The following SLC30A10 variants were observed in gnomAD, a reference collection of about 807,000 sequenced individuals.
SLC30A10 encodes the protein solute carrier family 30 member 10.
In SLC30A10, 8 loss-of-function variants were observed where a neutral mutation model predicts 21.7. The observed-to-expected ratio is 0.37, with a 90% CI of 0.22 to 0.67. The LOEUF is 0.67. Among genes scored for constraint, SLC30A10 ranks in the 30% least tolerant of loss-of-function variants. SLC30A10 has a pLI of 0.58. For missense variants in SLC30A10, 521 were observed against 642.5 expected (o/e 0.81, Z 2.04); for synonymous variants, 272 against 279.4 (o/e 0.97, Z 0.26).
At chr1:219,941,336 G>A (rs942006715) in intron 1 of SLC30A10, among the ~76,000 whole-genome samples, 3 of 152,210 alleles carry the variant, frequency 2.0e-5, no homozygotes, top group Non-Finnish European at 2.9e-5. Flanking sequence ...GTGAGCATGA[G>A]GGAGCAGCAG....
At chr1:219,938,787 G>T (rs954689779) in intron 1 of SLC30A10, among the ~76,000 whole-genome samples, 3 of 152,060 alleles carry the variant, frequency 2.0e-5, no homozygotes, top group Non-Finnish European at 4.4e-5. Flanking sequence ...CCTTGAGAAA[G>T]ATAAAGATGA....
intron 2 of SLC30A10, among the ~76,000 whole-genome samples, chr1:219,925,816 T>C (rs969474000): frequency 9.3e-5 from 14 of 150,590 alleles, no homozygotes; most frequent in African/African-American, 2.9e-4. Flanking sequence ...CCACCATGCC[T>C]GGCTAGTTTT....
upstream of SLC30A10, among the ~76,000 whole-genome samples, chr1:219,930,870 C>CTATTG (rs1659960689): frequency 6.6e-6 from 1 of 152,164 alleles, no homozygotes; most frequent in African/African-American, 2.4e-5. Flanking sequence ...GCCTGGTACA[C>CTATTG]AGTAAGCACT....
chr1:219,940,329 G>A lies in SLC30A10; in HGVS notation n.81-13224C>T, dbSNP rs568841255. Among the ~76,000 whole-genome samples, 3 of 152,298 alleles carry A rather than the reference G, an allele frequency of 2.0e-5. No individual in the cohort carries two copies. In the East Asian group the frequency reaches 5.8e-4, roughly 29 times the overall value. ...GGATGCCAGACCTATAAGTGAATGA[G>A]CCTTCAAGTGACTGCAGCCTCAAGC... On this transcript the variant is annotated intron_variant and non_coding_transcript_variant, in intron 1 of 8. Transcript: ENST00000484239.
At position 219,918,618 on chromosome 1, in the gene SLC30A10, G is replaced by C; in HGVS notation, c.719-124C>G. 1 of 1,257,384 alleles carries C rather than the reference G, an allele frequency of 8.0e-7. No individual in the cohort carries two copies. The highest frequency in any genetic ancestry group is 1.6e-5 in the South Asian group (1 of 64,038). 77.9% of individuals were successfully genotyped at this position (1,257,384 alleles called of 1,614,324 possible). ...TTGGAGTTTTTTGGTTTTTGTTTTGGTTAGAACAGTAGGATGAATCAAAAT... is the reference window on the plus strand; with the variant it reads ...TTGGAGTTTTTTGGTTTTTGTTTTGCTTAGAACAGTAGGATGAATCAAAAT... On this transcript the variant is annotated intron_variant, in intron 2 of 3. Coordinates refer to ENST00000366926, the MANE Select transcript of SLC30A10 (RefSeq NM_018713.3). This position sits in a 1 kb window ranked among gnomAD's most constrained non-coding sequence, Gnocchi z 4.4.
intron 1 of SLC30A10, among the ~76,000 whole-genome samples, chr1:219,955,131 C>T (rs1660328896): frequency 6.6e-6 from 1 of 152,154 alleles, no homozygotes; most frequent in Non-Finnish European, 1.5e-5. Context: ...GAAACTGGCT[C>T]GTGACAAGTA....
At chr1:219,919,823 G>T (rs1048993971) in intron 2 of SLC30A10, among the ~76,000 whole-genome samples, 43 of 149,882 alleles carry the variant, frequency 2.9e-4, no homozygotes, top group Non-Finnish European at 5.9e-5. Flanking sequence ...GCACATACAA[G>T]TTTCCAAAGC....
At position 219,928,024 on chromosome 1, in the gene SLC30A10, G is replaced by A. The variant is rs1314973369; in HGVS notation, c.417C>T (p.Ala139=). The change falls in exon 1 of 4, where the codon GCC becomes GCT. Residue 139 remains alanine, a synonymous_variant. Coordinates refer to ENST00000366926, the MANE Select transcript of SLC30A10 (RefSeq NM_018713.3). The surrounding 1 kb of genome is among the most constrained non-coding windows in gnomAD (Gnocchi z 6.3). ...VGLLIFQDCA[A]WFACCLRGRS... ...GTCCCCGGAGGCAGCACGCGAACCA[G>A]GCGGCGCAGTCCTGGAAGATGAGCA... 5.1e-6 allele frequency: 8 copies of A among 1,576,162 alleles called. No homozygotes were observed. The highest frequency in any genetic ancestry group is 4.1e-5 in the African/African-American group (3 of 73,348).
rs1308442357 is a variant in SLC30A10, at chr1:219,910,938, C to CTTTCAATGCAA, written c.*4500_*4510dup. On this transcript the variant is annotated 3_prime_UTR_variant, in exon 4 of 4. Transcript: ENST00000366926. ...ACATGCAGATTACATTGAGGATTAT[C>CTTTCAATGCAA]TTTCAATGCAATTTCCACTTGAGAA... Among the ~76,000 whole-genome samples the CTTTCAATGCAA allele has an allele frequency of 2.0e-5, 3 of 152,178 alleles. No individual in the cohort carries two copies. Among genetic ancestry groups the CTTTCAATGCAA allele is most frequent in the African/African-American group, 7.2e-5 (3 of 41,456 alleles).
Sources: gnomAD v4.1 joint callset for allele counts (sites outside exome capture counted in the v4.1 genomes callset) on GRCh38, gnomAD v4.1.1 for gene constraint, Gnocchi (gnomAD v3.1) non-coding constraint, MANE v1.5 for transcripts, NCBI Gene and HGNC (gene_info 2026-07-23, HGNC 2026-07-21) for gene names.